Variants in XKR4 observed in about 807,000 individuals in gnomAD.
XKR4 encodes the protein XK related 4.
Under a neutral mutation model 53.9 loss-of-function variants are expected in XKR4, and 12 were observed. The observed-to-expected ratio is 0.22, with a 90% confidence interval of 0.14 to 0.36. XKR4 has a LOEUF of 0.36. Ranked by LOEUF, XKR4 falls within the 10% of genes least tolerant of loss-of-function variation. XKR4 has a pLI of 1.00. For missense variants in XKR4, 799 were observed against 859.5 expected (o/e 0.93, Z 0.88); for synonymous variants, 354 against 362.4 (o/e 0.98, Z 0.26).
intron 1 of XKR4, among the ~76,000 whole-genome samples, chr8:55,344,891 T>C (rs2129382672): frequency 6.6e-6 from 1 of 152,342 alleles, no homozygotes; most frequent in South Asian, 2.1e-4. Flanking sequence ...AAAAATATCT[T>C]CATGAGAGAT....
rs1265862050 is a variant in XKR4 at position 55,103,167 on chromosome 8, G to A, written c.679G>A (p.Ala227Thr). The A allele has an allele frequency of 6.2e-7, 1 of 1,614,080 alleles. No homozygotes were observed. The highest frequency in any genetic ancestry group is 8.5e-7 in the Non-Finnish European group (1 of 1,180,054). ...SNASKSNIAA[A>T]NSGSNSSGAT... is the part of the protein sequence containing the mutation. ...CGCCAGCAAGAGCAACATCGCCGCG[G>A]CCAACAGCGGCAGCAACAGCAGCGG... Residue 227 changes from alanine (A) to threonine (T), a missense_variant, in exon 1 of 3, where the codon GCC becomes ACC. By Grantham distance (58) the Ala-to-Thr change is moderately conservative (BLOSUM62 0). Coordinates refer to ENST00000327381, the MANE Select transcript of XKR4 (RefSeq NM_052898.2).
intron 1 of XKR4, among the ~76,000 whole-genome samples, chr8:55,184,640 A>G (rs1391687812): frequency 2.6e-5 from 4 of 152,228 alleles, no homozygotes; most frequent in Admixed American, 1.3e-4. Flanking sequence ...AACTTCGTAT[A>G]CATCTCTGTG....
At chr8:55,257,262 C>T (rs913946055) in intron 1 of XKR4, among the ~76,000 whole-genome samples, 12 of 151,952 alleles carry the variant, frequency 7.9e-5, no homozygotes, top group African/African-American at 2.9e-4. Flanking sequence ...AGTCAACTCA[C>T]GAAGTCTGAA....
At chr8:55,456,440 A>T (rs1164303643) in intron 2 of XKR4, among the ~76,000 whole-genome samples, 2 of 152,202 alleles carry the variant, frequency 1.3e-5, no homozygotes, top group East Asian at 1.9e-4. Flanking sequence ...TTGAAAAGAA[A>T]AAAAAGAAGA....
intron 1 of XKR4, among the ~76,000 whole-genome samples, chr8:55,245,787 G>A (rs1335443455): frequency 1.3e-5 from 2 of 152,154 alleles, no homozygotes; most frequent in Admixed American, 1.3e-4. Context: ...CCAGTTAACT[G>A]TGTCTTAGAA....
intron 1 of XKR4, among the ~76,000 whole-genome samples, chr8:55,312,031 T>C (rs1788631862): frequency 4.6e-5 from 7 of 152,104 alleles, no homozygotes; most frequent in Admixed American, 4.6e-4. Flanking sequence ...TAGCACCATT[T>C]AATTTCATGG....
At chr8:55,114,264 C>T (rs1357050862) in intron 1 of XKR4, among the ~76,000 whole-genome samples, 1 of 152,082 alleles carries the variant, frequency 6.6e-6, no homozygotes, top group African/African-American at 2.4e-5. Flanking sequence ...TTGATAATAG[C>T]CATTCTAACT....
chr8:55,204,826 G>T (rs549212758), intron 1 of XKR4, among the ~76,000 whole-genome samples: 3 of 152,102 alleles, frequency 2.0e-5, no homozygotes, highest in Non-Finnish European at 2.9e-5. Context: ...GGTAATAATA[G>T]AAATGACAAA....
intron 2 of XKR4, among the ~76,000 whole-genome samples, chr8:55,365,147 T>A (rs2129385255): frequency 6.6e-6 from 1 of 152,322 alleles, no homozygotes; most frequent in East Asian, 1.9e-4. Flanking sequence ...TCAGGACCCC[T>A]GGGAGGACCT....
At chr8:55,318,907 G>T (rs1183636602) in intron 1 of XKR4, among the ~76,000 whole-genome samples, 2 of 152,150 alleles carry the variant, frequency 1.3e-5, no homozygotes, top group African/African-American at 4.8e-5. Context: ...ACAAGAAAGA[G>T]TATTTGAAGA....
chr8:55,167,338 G>A (rs1817084081), intron 1 of XKR4, among the ~76,000 whole-genome samples: 1 of 152,160 alleles, frequency 6.6e-6, no homozygotes, highest in Non-Finnish European at 1.5e-5. Flanking sequence ...AGTGAGTCTG[G>A]GTTTGTGACT....
intron 1 of XKR4, among the ~76,000 whole-genome samples, chr8:55,222,705 T>C (rs1192476172): frequency 3.3e-5 from 5 of 152,258 alleles, no homozygotes; most frequent in Admixed American, 1.3e-4. Context: ...ACATCCATGT[T>C]GAATGATGGA....
intron 1 of XKR4, among the ~76,000 whole-genome samples, chr8:55,298,537 G>T (rs959881872): frequency 6.6e-6 from 1 of 152,048 alleles, no homozygotes; most frequent in Non-Finnish European, 1.5e-5. Flanking sequence ...GGAGAGGAGG[G>T]GGAGGTCCTA....
chr8:55,258,852 A>G (rs1218735660), intron 1 of XKR4, among the ~76,000 whole-genome samples: 3 of 152,192 alleles, frequency 2.0e-5, no homozygotes, highest in African/African-American at 4.8e-5. Flanking sequence ...GGCCCCAGAA[A>G]GAGAATGTGC....
chr8:55,266,684 T>C (rs1483135136), intron 1 of XKR4, among the ~76,000 whole-genome samples: 1 of 152,126 alleles, frequency 6.6e-6, no homozygotes, highest in Admixed American at 6.5e-5. Context: ...ACGGCATGGC[T>C]GTGTTTTGCT....
intron 2 of XKR4, among the ~76,000 whole-genome samples, chr8:55,505,379 TAAATAAAATA>T (rs540020653): frequency 3.3e-5 from 5 of 151,962 alleles, no homozygotes; most frequent in African/African-American, 1.2e-4. Context: ...TCATCTCTAC[TAAATAAAATA>T]AAATAAAATA....
chr8:55,285,839 C>A (rs567420878), intron 1 of XKR4, among the ~76,000 whole-genome samples: 1 of 152,188 alleles, frequency 6.6e-6, no homozygotes, highest in East Asian at 1.9e-4. Context: ...AACCCCTATA[C>A]CCCTCCCCCA....
At chr8:55,191,248 T>G (rs557957789) in intron 1 of XKR4, among the ~76,000 whole-genome samples, 1 of 152,272 alleles carries the variant, frequency 6.6e-6, no homozygotes, top group Admixed American at 6.5e-5. Flanking sequence ...GCCACCTGCT[T>G]GGACTGCTCC....
intron 1 of XKR4, among the ~76,000 whole-genome samples, chr8:55,156,137 G>T (rs1024813026): frequency 5.3e-5 from 8 of 152,090 alleles, no homozygotes; most frequent in South Asian, 2.1e-4. Context: ...GAACTGGGAA[G>T]TGTGACTGTG....
Sources: allele counts gnomAD v4.1 joint callset (sites outside exome capture counted in the v4.1 genomes callset), GRCh38; gene constraint gnomAD v4.1.1; transcripts MANE v1.5; gene names NCBI Gene and HGNC (gene_info 2026-07-23, HGNC 2026-07-21).